Variants in ABRA observed in about 807,000 individuals in gnomAD.
ABRA encodes actin binding Rho activating protein, also known as actin-binding Rho-activating protein.
In ABRA, 25 loss-of-function variants were observed where a neutral mutation model predicts 33.4. That is an observed-to-expected ratio of 0.75 (90% CI 0.55 to 1.04). The LOEUF (loss-of-function observed/expected upper bound fraction) is 1.04. Ranked by LOEUF, ABRA falls within the 50% of genes least tolerant of loss-of-function variation. The probability of loss-of-function intolerance (pLI) is 0.00; values close to 1 mark genes in which losing one functional copy is unlikely to be tolerated. For missense variants in ABRA, 501 were observed against 491.7 expected, an observed-to-expected ratio of 1.02 and a Z score of -0.18; for synonymous variants, 193 against 176.8, an observed-to-expected ratio of 1.09 and a Z score of -0.73.
At chr8:106,767,791 A>G (rs752930057) in intron 1 of ABRA, among the ~76,000 whole-genome samples, 4 of 152,200 alleles carry the variant, frequency 2.6e-5, no homozygotes, top group Non-Finnish European at 5.9e-5. Flanking sequence ...ACACCTTTAC[A>G]GTCTCAAACT....
chr8:106,762,282 G>T (rs1836149661), intron 1 of ABRA, among the ~76,000 whole-genome samples: 1 of 152,190 alleles, frequency 6.6e-6, no homozygotes, highest in Non-Finnish European at 1.5e-5. Flanking sequence ...TGGCTCCAGA[G>T]CCTGTCTATA....
intron 1 of ABRA, among the ~76,000 whole-genome samples, chr8:106,764,936 T>C (rs541818752): frequency 4.0e-4 from 61 of 152,306 alleles, no homozygotes; most frequent in South Asian, 2.5e-3. Context: ...TTGGTTTAAC[T>C]CAGGGTTAGA....
intron 1 of ABRA, among the ~76,000 whole-genome samples, chr8:106,766,181 A>G (rs558982622): frequency 6.6e-6 from 1 of 152,346 alleles, no homozygotes; most frequent in African/African-American, 2.4e-5. Flanking sequence ...TCTTTTGTCT[A>G]AAGGAACTGG....
At chr8:106,765,404 T>C (rs577122849) in intron 1 of ABRA, among the ~76,000 whole-genome samples, 12 of 152,306 alleles carry the variant, frequency 7.9e-5, no homozygotes, top group African/African-American at 2.9e-4. Context: ...AAAATGGGCT[T>C]TCACTGCCAA....
chr8:106,762,507 T>A (rs144526910), intron 1 of ABRA, among the ~76,000 whole-genome samples: 1 of 152,136 alleles, frequency 6.6e-6, no homozygotes, highest in African/African-American at 2.4e-5. Context: ...TGTAGACTAG[T>A]AGTATCGTGA....
At position 106,770,166 on chromosome 8, in the gene ABRA, C is replaced by A. The variant is rs143979123; in HGVS notation, c.25G>T (p.Gly9Trp). 1 of 1,611,000 alleles carries A rather than the reference C, an allele frequency of 6.2e-7. No individual in the cohort carries two copies. The highest frequency in any genetic ancestry group is 8.5e-7 in the Non-Finnish European group (1 of 1,179,514). The change falls in exon 1 of 2, where the codon GGG becomes TGG. Residue 9 changes from glycine (G) to tryptophan (W), a missense_variant. By Grantham distance (184) the Gly-to-Trp change is radical. Transcript: ENST00000311955. The part of the protein sequence containing the change: MAPGEKES[G>W]EGPAKSALRK... The stretch of plus-strand genomic sequence containing the variant: ...AGGGCGCTCTTGGCTGGGCCCTCCC[C>A]GCTTTCCTTTTCGCCCGGAGCCATG...
At chr8:106,767,158 A>C (rs866824053) in intron 1 of ABRA, among the ~76,000 whole-genome samples, 1 of 152,210 alleles carries the variant, frequency 6.6e-6, no homozygotes, top group African/African-American at 2.4e-5. Context: ...ATTATAACCT[A>C]TCATATGAGG....
Position 106,769,513 on chromosome 8 carries a change from A to T in ABRA, c.668+10T>A. On this transcript the variant is annotated intron_variant, in intron 1 of 1. Transcript: ENST00000311955. ...CCTGACACAAGGAGTGGGAGAATGC[A>T]TTCACTTACTGGGAGGGCAAGGGGC... 6.2e-7 allele frequency: 1 copy of T among 1,607,754 alleles called. No individual in the cohort carries two copies. The highest frequency in any genetic ancestry group is 8.5e-7 in the Non-Finnish European group (1 of 1,176,398).
chr8:106,764,760 T>C (rs1836190319), intron 1 of ABRA, among the ~76,000 whole-genome samples: 2 of 152,160 alleles, frequency 1.3e-5, no homozygotes, highest in African/African-American at 4.8e-5. Flanking sequence ...TGCCCTCTAA[T>C]TGGAGGGAAG....
chr8:106,769,928 C>A lies in ABRA; in HGVS notation c.263G>T (p.Gly88Val). The change falls in exon 1 of 2, where the codon GGA becomes GTA. Residue 88 changes from glycine to valine, a missense_variant. Physicochemically the swap from Gly to Val is moderately radical, Grantham distance 109. Coordinates refer to ENST00000311955, the MANE Select transcript of ABRA (RefSeq NM_139166.5). ...CTCTGAGCTTTGTCCATCTCCATGT[C>A]CTTCTGGCAGGCGGGGTGGCGACTT... ...APKSPPRLPE[G>V]HGDGQSSEKA... 1 of 1,614,130 alleles carries A rather than the reference C, an allele frequency of 6.2e-7. No homozygotes were observed. Among genetic ancestry groups the A allele is most frequent in the Non-Finnish European group, 8.5e-7 (1 of 1,180,022 alleles).
In ABRA at chr8:106,760,422, T is replaced by C. The variant is rs1836118143; in HGVS notation, c.*615A>G. 1.3e-5 allele frequency: 2 copies of C among 152,190 alleles called. No individual in the cohort carries two copies. The highest frequency in any genetic ancestry group is 2.9e-5 in the Non-Finnish European group (2 of 68,026). 9.4% of individuals were successfully genotyped at this position (152,190 alleles called of 1,614,324 possible). On this transcript the variant is annotated 3_prime_UTR_variant, in exon 2 of 2. Transcript: ENST00000311955. The stretch of plus-strand genomic sequence containing the variant: ...TTTATATATGTGCTTGTTTTGTAAG[T>C]GATGCTATGATATAAACAATAATAC...
intron 1 of ABRA, among the ~76,000 whole-genome samples, chr8:106,765,593 G>T (rs758096022): frequency 2.6e-5 from 4 of 152,164 alleles, no homozygotes; most frequent in Non-Finnish European, 5.9e-5. Flanking sequence ...GTGACATCAA[G>T]AGGGGCACAT....
Position 106,760,002 on chromosome 8 carries a change from G to C in ABRA, c.*1035C>G, listed in dbSNP as rs1351415651. 2.0e-5 allele frequency: 3 copies of C among 152,170 alleles called. No homozygotes were observed. Among genetic ancestry groups the C allele is most frequent in the Admixed American group, 1.3e-4 (2 of 15,276 alleles). 9.4% of individuals were successfully genotyped at this position (152,170 alleles called of 1,614,324 possible). A position where few individuals can be genotyped will look rare whatever the true frequency, so the allele number is the denominator to read the frequency against. ...GTTACAGTATGAGGAACATTAAACT[G>C]TCTCAAATCTGTTTTTAATTCACCA... On this transcript the variant is annotated 3_prime_UTR_variant, in exon 2 of 2. Transcript: ENST00000311955.
intron 1 of ABRA, among the ~76,000 whole-genome samples, chr8:106,768,994 C>A (rs73702405): frequency 6.6e-6 from 1 of 152,262 alleles, no homozygotes; most frequent in East Asian, 1.9e-4. Context: ...GAACTTGGGT[C>A]TGTCTGACTT....
chr8:106,768,749 T>C (rs1810543758), intron 1 of ABRA, among the ~76,000 whole-genome samples: 1 of 152,186 alleles, frequency 6.6e-6, no homozygotes, highest in South Asian at 2.1e-4. Flanking sequence ...TTCTCATGCC[T>C]CAGCCTCCCG....
rs916365791 is a variant in ABRA, at chr8:106,761,185, A to G, written c.998T>C (p.Phe333Ser). 2.5e-6 allele frequency: 4 copies of G among 1,614,226 alleles called. No homozygotes were observed. Among genetic ancestry groups the G allele is most frequent in the Admixed American group, 1.7e-5 (1 of 60,028 alleles). Reference protein sequence around the residue: ...HRRDGKIQVTFGDLFDRYVRI... With the variant: ...HRRDGKIQVTSGDLFDRYVRI... Reference sequence around the variant, plus strand: ...AACGTATCTGTCAAAGAGATCTCCAAAAGTAACCTGGATCTTGCCATCTCG... The same window carrying G: ...AACGTATCTGTCAAAGAGATCTCCAGAAGTAACCTGGATCTTGCCATCTCG... Residue 333 changes from phenylalanine (F) to serine (S), a missense_variant, in exon 2 of 2, where the codon TTT becomes TCT. Coordinates refer to ENST00000311955, the MANE Select transcript of ABRA (RefSeq NM_139166.5).
chr8:106,760,717 G>A lies in ABRA; in HGVS notation c.*320C>T. ...AGGCTGAGGTGAGAGGATCACTTGA[G>A]GCCAGGAGTTAAAAGACCAGCTTTG... On this transcript the variant is annotated 3_prime_UTR_variant, in exon 2 of 2. Coordinates refer to ENST00000311955, the MANE Select transcript of ABRA (RefSeq NM_139166.5). 1 of 257,520 alleles carries A rather than the reference G, an allele frequency of 3.9e-6. No individual in the cohort carries two copies. The highest frequency in any genetic ancestry group is 7.4e-6 in the Non-Finnish European group (1 of 134,448). The allele number at this position is 257,520 out of a possible 1,614,324, so 16.0% of individuals were successfully genotyped here. A position where few individuals can be genotyped will look rare whatever the true frequency, so the allele number is the denominator to read the frequency against.
In ABRA at chr8:106,761,415, G is replaced by A; in HGVS notation, c.768C>T (p.His256=). The A allele has an allele frequency of 3.7e-6, 6 of 1,614,202 alleles. No homozygotes were observed. Among genetic ancestry groups the A allele is most frequent in the Non-Finnish European group, 5.1e-6 (6 of 1,180,046 alleles). ...KGRWQQWADE[H]IQSQKLNPFS... is the part of the protein sequence containing the mutation. The stretch of plus-strand genomic sequence containing the variant: ...AAGGATTGAGCTTCTGGGATTGTAT[G>A]TGTTCATCAGCCCACTGCTGCCATC... Residue 256 remains histidine (H), a synonymous_variant, in exon 2 of 2, where the codon CAC becomes CAT. Transcript: ENST00000311955.
In ABRA at chr8:106,760,812, T is replaced by A; in HGVS notation, c.*225A>T. ...TGTGGAATTTCAACTATTAATACTA[T>A]TATTATACATTAACATTCTATGTGC... On this transcript the variant is annotated 3_prime_UTR_variant, in exon 2 of 2. Coordinates refer to ENST00000311955, the MANE Select transcript of ABRA (RefSeq NM_139166.5). 1.9e-6 allele frequency: 1 copy of A among 539,794 alleles called. No individual in the cohort carries two copies. The highest frequency in any genetic ancestry group is 3.3e-6 in the Non-Finnish European group (1 of 305,634). The allele number at this position is 539,794 out of a possible 1,614,324, so 33.4% of individuals were successfully genotyped here.
Sources: allele counts gnomAD v4.1 joint callset (sites outside exome capture counted in the v4.1 genomes callset), GRCh38; gene constraint gnomAD v4.1.1; transcripts MANE v1.5; gene names NCBI Gene and HGNC (gene_info 2026-07-23, HGNC 2026-07-21).